KCNAB1: variants seen among roughly 807,000 people sequenced by gnomAD.
KCNAB1 encodes the protein potassium voltage-gated channel subfamily A regulatory beta subunit 1.
In KCNAB1, 35 loss-of-function variants were observed where a neutral mutation model predicts 64.6. That is an observed-to-expected ratio of 0.54 (90% CI 0.41 to 0.72). KCNAB1 has a LOEUF of 0.72. Among genes scored for constraint, KCNAB1 ranks in the 30% least tolerant of loss-of-function variants. The pLI is 0.00. For synonymous variants in KCNAB1, 177 were observed against 183.8 expected, an observed-to-expected ratio of 0.96 and a Z score of 0.30; for missense variants, 401 against 512.9, an observed-to-expected ratio of 0.78 and a Z score of 2.11.
At chr3:156,301,362 C>T (rs1392141073) in intron 1 of KCNAB1, among the ~76,000 whole-genome samples, 2 of 152,108 alleles carry the variant, frequency 1.3e-5, no homozygotes, top group African/African-American at 2.4e-5. Flanking sequence ...GGAAAATAAA[C>T]CTTTTGACTC....
chr3:156,169,761 A>G (rs145155930), intron 1 of KCNAB1, among the ~76,000 whole-genome samples: 162 of 152,358 alleles, frequency 1.1e-3, no homozygotes, highest in African/African-American at 3.7e-3. Flanking sequence ...CTGCTCTGCC[A>G]TGATAAGATG....
chr3:156,450,042 G>C (rs933039526), intron 2 of KCNAB1, among the ~76,000 whole-genome samples: 1 of 152,328 alleles, frequency 6.6e-6, no homozygotes, highest in African/African-American at 2.4e-5. Flanking sequence ...ACCTGATTTT[G>C]CTCAGAGACA....
intron 1 of KCNAB1, among the ~76,000 whole-genome samples, chr3:156,287,798 TA>T (rs74496136): frequency 1.5e-3 from 205 of 138,136 alleles, no homozygotes; most frequent in Admixed American, 2.0e-3. Flanking sequence ...GACTCCATCT[TA>T]AAAAAAAAAA....
intron 2 of KCNAB1, among the ~76,000 whole-genome samples, chr3:156,430,100 A>G (rs1247572180): frequency 6.6e-6 from 1 of 152,268 alleles, no homozygotes; most frequent in African/African-American, 2.4e-5. Flanking sequence ...AAAGAAAGAA[A>G]GAAAGAATTG....
chr3:156,463,893 G>A (rs144324789), intron 6 of KCNAB1, 147 bp downstream of exon 6: 3 of 569,352 alleles, frequency 5.3e-6, no homozygotes, highest in East Asian at 6.4e-5. Context: ...TCACACTAAG[G>A]AAATAGCAAT....
intron 1 of KCNAB1, among the ~76,000 whole-genome samples, chr3:156,249,124 G>A (rs1717653052): frequency 6.6e-6 from 1 of 151,834 alleles, no homozygotes; most frequent in Admixed American, 6.6e-5. Context: ...ATAATATAAT[G>A]TTAGGCAATG....
chr3:156,335,505 G>A (rs1335353873), intron 1 of KCNAB1, among the ~76,000 whole-genome samples: 1 of 152,140 alleles, frequency 6.6e-6, no homozygotes, highest in Non-Finnish European at 1.5e-5. Flanking sequence ...GAGGACTATA[G>A]CTCTATTTAC....
chr3:156,154,486 G>A (rs536675967), intron 1 of KCNAB1, among the ~76,000 whole-genome samples: 27 of 152,172 alleles, frequency 1.8e-4, no homozygotes, highest in African/African-American at 6.3e-4. Context: ...CTTACCTGTT[G>A]GGATTCCTAG....
chr3:156,249,561 A>T (rs1166314520), intron 1 of KCNAB1, among the ~76,000 whole-genome samples: 1 of 7,718 alleles, frequency 1.3e-4, no homozygotes, highest in African/African-American at 1.8e-3. Context: ...GACTCTGTCT[A>T]AAAAAAAAAG....
intron 1 of KCNAB1, among the ~76,000 whole-genome samples, chr3:156,280,180 A>G (rs1307186306): frequency 6.6e-6 from 1 of 150,760 alleles, no homozygotes; most frequent in East Asian, 1.9e-4. Flanking sequence ...TCAGCTTTCT[A>G]CGTATGGCTA....
chr3:156,346,171 A>G (rs2108075549), intron 1 of KCNAB1, among the ~76,000 whole-genome samples: 1 of 152,134 alleles, frequency 6.6e-6, no homozygotes, highest in South Asian at 2.1e-4. Flanking sequence ...TCAGACACCT[A>G]TAGGGAAATG....
At chr3:156,355,040 A>G (rs1240992609) in intron 1 of KCNAB1, among the ~76,000 whole-genome samples, 4 of 152,232 alleles carry the variant, frequency 2.6e-5, no homozygotes, top group Non-Finnish European at 4.4e-5. Flanking sequence ...GCCTTGGGAT[A>G]TAACACATTT....
chr3:156,372,683 G>A (rs1306118249), intron 1 of KCNAB1, among the ~76,000 whole-genome samples: 1 of 152,210 alleles, frequency 6.6e-6, no homozygotes, highest in African/African-American at 2.4e-5. Flanking sequence ...GGGTTTGCCA[G>A]GTAGAGGAAG....
intron 8 of KCNAB1, among the ~76,000 whole-genome samples, chr3:156,502,344 T>G (rs1309573389): frequency 6.6e-6 from 1 of 152,058 alleles, no homozygotes. Context: ...TGATGTAATA[T>G]AATATTAGTC....
chr3:156,376,519 A>T (rs1187571198), intron 1 of KCNAB1, among the ~76,000 whole-genome samples: 4 of 152,260 alleles, frequency 2.6e-5, no homozygotes, highest in African/African-American at 9.6e-5. Context: ...AGCAAGGACC[A>T]AAAGTCAACC....
At chr3:156,256,354 C>T (rs1181066278) in intron 1 of KCNAB1, among the ~76,000 whole-genome samples, 1 of 152,206 alleles carries the variant, frequency 6.6e-6, no homozygotes, top group Non-Finnish European at 1.5e-5. Flanking sequence ...GGCACTATCC[C>T]GTTCAGCTAT....
intron 1 of KCNAB1, among the ~76,000 whole-genome samples, chr3:156,412,077 G>T (rs1714707311): frequency 6.6e-6 from 1 of 151,978 alleles, no homozygotes; most frequent in Non-Finnish European, 1.5e-5. Flanking sequence ...TTAGTTTTTA[G>T]TATATGGAGA....
chr3:156,417,394 G>A (rs150512465), intron 1 of KCNAB1, among the ~76,000 whole-genome samples: 399 of 152,290 alleles, frequency 2.6e-3, no homozygotes, highest in African/African-American at 9.1e-3. Context: ...CACAGCTGCT[G>A]GAGCCCCTTG....
chr3:156,448,366 A>C (rs1711739740), intron 2 of KCNAB1, among the ~76,000 whole-genome samples: 1 of 152,196 alleles, frequency 6.6e-6, no homozygotes, highest in African/African-American at 2.4e-5. Context: ...GGTTTTTGAG[A>C]ATCATATTAA....
Sources: gnomAD v4.1 joint callset for allele counts (sites outside exome capture counted in the v4.1 genomes callset) on GRCh38, gnomAD v4.1.1 for gene constraint, MANE v1.5 for transcripts, NCBI Gene and HGNC (gene_info 2026-07-23, HGNC 2026-07-21) for gene names.